The following SLIT1 variants were observed in gnomAD, a reference collection of about 807,000 sequenced individuals.
The protein encoded by SLIT1 is slit guidance ligand 1.
A neutral mutation model predicts 186.1 loss-of-function variants in SLIT1; 66 were observed. The ratio of observed to expected loss-of-function variants is 0.35; its 90% CI spans 0.29 to 0.44. SLIT1 has a LOEUF of 0.44. SLIT1 is among the 20% of genes least tolerant of loss of function. SLIT1 has a pLI of 1.00. For synonymous variants in SLIT1, 761 were observed against 833.8 expected, an observed-to-expected ratio of 0.91 and a Z score of 1.50; for missense variants, 1,638 against 2,037.4, an observed-to-expected ratio of 0.80 and a Z score of 3.77.
rs72293609 is a variant in SLIT1, at chr10:97,172,934, G to GGAGA, written c.198-8048_198-8045dup. Among the ~76,000 whole-genome samples, 88 of 148,162 alleles carry GGAGA rather than the reference G, an allele frequency of 5.9e-4. No individual in the cohort carries two copies. In the South Asian group the frequency reaches 8.2e-3, roughly 14 times the overall value. On this transcript the variant is annotated intron_variant, in intron 1 of 36. Transcript: ENST00000266058. ...AGAAAGAAAGAGAGAAAGGAAGGAG[G>GGAGA]GAGAGAGAGAGAGAGAGAGAGAAGT...
In SLIT1 at chr10:97,021,545, A is replaced by T; in HGVS notation, c.2583-132T>A. The T allele has an allele frequency of 5.7e-6, 4 of 697,676 alleles. No individual in the cohort carries two copies. The highest frequency in any genetic ancestry group is 9.3e-6 in the Non-Finnish European group (4 of 431,842). The allele number at this position is 697,676 out of a possible 1,614,324, so 43.2% of individuals were successfully genotyped here. A position where few individuals can be genotyped will look rare whatever the true frequency, so the allele number is the denominator to read the frequency against. On this transcript the variant is annotated intron_variant, in intron 25 of 36. Coordinates refer to ENST00000266058, the MANE Select transcript of SLIT1 (RefSeq NM_003061.3). This position sits in a 1 kb window ranked among gnomAD's most constrained non-coding sequence, Gnocchi z 4.5. ...CCTCCATTTCATGAGCATTTACTGT[A>T]TAGTCAGTGCTGCTTTTTTTTTTTT...
chr10:97,068,546 C>T lies in SLIT1; in HGVS notation c.414-2460G>A, dbSNP rs948373490. 6.6e-6 allele frequency among the ~76,000 whole-genome samples: 1 copy of T among 152,112 alleles called. No individual in the cohort carries two copies. The highest frequency in any genetic ancestry group is 1.5e-5 in the Non-Finnish European group (1 of 68,002). ...CTTGCTCTCTATTGCTCTCTCTCTC[C>T]TGGATGTAGGCCCCATCTCCTGGAG... On this transcript the variant is annotated intron_variant, in intron 4 of 36. Coordinates refer to ENST00000266058, the MANE Select transcript of SLIT1 (RefSeq NM_003061.3). This position sits in a 1 kb window ranked among gnomAD's most constrained non-coding sequence, Gnocchi z 4.2.
chr10:97,066,064 G>C lies in SLIT1; in HGVS notation c.436C>G (p.Gln146Glu). The C allele has an allele frequency of 6.2e-7, 1 of 1,605,674 alleles. No homozygotes were observed. The highest frequency in any genetic ancestry group is 2.2e-5 in the East Asian group (1 of 44,816). Residue 146 changes from glutamine to glutamate, a missense_variant, in exon 5 of 37, where the codon CAG (glutamine) becomes GAG (glutamate). Around this residue, in one of 3 missense-constraint regions of SLIT1, gnomAD observed 1,245 missense variants for 1,535.3 expected, o/e 0.81. Coordinates refer to ENST00000266058, the MANE Select transcript of SLIT1 (RefSeq NM_003061.3). The part of the protein sequence containing the change: ...SRLDLSENAI[Q>E]AIPRKAFRGA... ...CGAAAAGCTTTCCTGGGGATGGCCTGGATGGCGTTCTCACTCAAGTCCCTG... is the reference window on the plus strand; with the variant it reads ...CGAAAAGCTTTCCTGGGGATGGCCTCGATGGCGTTCTCACTCAAGTCCCTG...
chr10:97,068,959 C>A lies in SLIT1; in HGVS notation c.414-2873G>T, dbSNP rs11813871. Among the ~76,000 whole-genome samples the A allele has an allele frequency of 0.076, 11,621 of 152,288 alleles. 475 individuals are homozygous for A. The highest frequency in any genetic ancestry group is 0.1 in the African/African-American group (4,310 of 41,548). ...AATCCTTGTTATCATCTCTTCCTTG[C>A]CTAGAGAGTTCCTTGGCTGCCACAT... On this transcript the variant is annotated intron_variant, in intron 4 of 36. Transcript: ENST00000266058. The surrounding 1 kb of genome is among the most constrained non-coding windows in gnomAD (Gnocchi z 4.2).
At chr10:97,040,909 T>C (rs886676039) in intron 20 of SLIT1, among the ~76,000 whole-genome samples, 3 of 152,142 alleles carry the variant, frequency 2.0e-5, no homozygotes, top group Admixed American at 2.0e-4. Context: ...ACAGTGACCA[T>C]CAGTTATGCA....
At chr10:97,153,329 C>T (rs1453214390) in intron 4 of SLIT1, 1 of 152,254 alleles carries the variant, frequency 6.6e-6, no homozygotes, top group Admixed American at 6.5e-5. Flanking sequence ...ACAAAATCAA[C>T]TGAAATGTGG....
intron 21 of SLIT1, among the ~76,000 whole-genome samples, chr10:97,039,386 G>C (rs1326623221): frequency 6.6e-6 from 1 of 152,170 alleles, no homozygotes; most frequent in African/African-American, 2.4e-5. Flanking sequence ...CATACTCAGT[G>C]CTGACCCAGG....
At chr10:97,033,731 T>C (rs1848611681) in intron 23 of SLIT1, among the ~76,000 whole-genome samples, 1 of 152,110 alleles carries the variant, frequency 6.6e-6, no homozygotes, top group Non-Finnish European at 1.5e-5. Context: ...TAGAAATGCT[T>C]ATGTAGATGG....
At position 97,056,608 on chromosome 10, in the gene SLIT1, A is replaced by G. The variant is rs1473604627; in HGVS notation, c.1158-144T>C. On this transcript the variant is annotated intron_variant, in intron 12 of 36. Transcript: ENST00000266058. ...CAGGCCCAGGGAATCTGCCCTCTGG[A>G]TGTCTGCCCCACGGAGAGGGGCCCG... 8 of 833,024 alleles carry G rather than the reference A, an allele frequency of 9.6e-6. No homozygotes were observed. In the African/African-American group the frequency reaches 1.2e-4, roughly 12 times the overall value. 51.6% of individuals were successfully genotyped at this position (833,024 alleles called of 1,614,324 possible).
chr10:96,998,582 C>G lies in SLIT1; in HGVS notation c.*2530G>C, dbSNP rs1848269848. On this transcript the variant is annotated 3_prime_UTR_variant, in exon 37 of 37. Coordinates refer to ENST00000266058, the MANE Select transcript of SLIT1 (RefSeq NM_003061.3). The stretch of plus-strand genomic sequence containing the variant: ...TTGCAGTAGCCACCTTCCGGACTTT[C>G]AAGCGGAGTGTGAATAGGCAACGTG... 1 of 152,314 alleles carries G rather than the reference C, an allele frequency of 6.6e-6. No individual in the cohort carries two copies. The highest frequency in any genetic ancestry group is 2.4e-5 in the African/African-American group (1 of 41,470). The allele number at this position is 152,314 out of a possible 1,614,324, so 9.4% of individuals were successfully genotyped here.
At chr10:97,177,553 T>A (rs1218378481) in intron 1 of SLIT1, among the ~76,000 whole-genome samples, 1 of 152,214 alleles carries the variant, frequency 6.6e-6, no homozygotes, top group Non-Finnish European at 1.5e-5. Flanking sequence ...ATCTTTCAGT[T>A]CTGGAAGTTA....
chr10:97,029,359 G>T (rs1468053987), intron 25 of SLIT1, among the ~76,000 whole-genome samples: 5 of 152,194 alleles, frequency 3.3e-5, no homozygotes, highest in Admixed American at 2.6e-4. Context: ...GTGGCTTGGG[G>T]CCCCAAAAGG....
chr10:97,084,138 C>T (rs770977259), intron 4 of SLIT1, among the ~76,000 whole-genome samples: 1 of 152,210 alleles, frequency 6.6e-6, no homozygotes, highest in Non-Finnish European at 1.5e-5. Context: ...GTGGCTCTGA[C>T]CACCATTGTG....
rs375997884 is a variant in SLIT1 at position 97,044,186 on chromosome 10, G to A, written c.1854-673C>T. Among the ~76,000 whole-genome samples, 327 of 152,354 alleles carry A rather than the reference G, an allele frequency of 2.1e-3. 2 individuals are homozygous for A. Among genetic ancestry groups the A allele is most frequent in the African/African-American group, 7.7e-3 (320 of 41,586 alleles). On this transcript the variant is annotated intron_variant, in intron 18 of 36. Transcript: ENST00000266058. ...GGAGGCCAAGGATTATTTGAAACCA[G>A]GGGTTTGAGACCAGCCTGGGCAACA...
chr10:97,064,892 A>C lies in SLIT1; in HGVS notation c.486-16T>G. On this transcript the variant is annotated splice_polypyrimidine_tract_variant and intron_variant, in intron 5 of 36. Coordinates refer to ENST00000266058, the MANE Select transcript of SLIT1 (RefSeq NM_003061.3). ...GTCCAGCTGTCTGTGAAGCAAAGGAAGGTTGTAGAGAGAAGGGCACATTGC... is the reference window on the plus strand; with the variant it reads ...GTCCAGCTGTCTGTGAAGCAAAGGACGGTTGTAGAGAGAAGGGCACATTGC... 6.2e-7 allele frequency: 1 copy of C among 1,608,794 alleles called. No homozygotes were observed. The highest frequency in any genetic ancestry group is 8.5e-7 in the Non-Finnish European group (1 of 1,176,762).
chr10:97,005,828 G>A (rs1848355306), intron 32 of SLIT1, among the ~76,000 whole-genome samples: 1 of 152,168 alleles, frequency 6.6e-6, no homozygotes, highest in Non-Finnish European at 1.5e-5. Context: ...GAGGACAAAA[G>A]AGAGGGAAGA....
At chr10:97,159,256 C>T (rs1849994948) in intron 3 of SLIT1, among the ~76,000 whole-genome samples, 1 of 152,178 alleles carries the variant, frequency 6.6e-6, no homozygotes, top group Non-Finnish European at 1.5e-5. Flanking sequence ...GTGAGAAAGG[C>T]CATTGCCACC....
At chr10:97,067,943 C>T (rs1246501183) in intron 4 of SLIT1, among the ~76,000 whole-genome samples, 4 of 152,120 alleles carry the variant, frequency 2.6e-5, no homozygotes, top group Admixed American at 6.5e-5. Flanking sequence ...CTGTCAAGGC[C>T]GCCGCTGCCC....
chr10:97,158,928 T>A (rs907227274), intron 3 of SLIT1, among the ~76,000 whole-genome samples: 1 of 150,810 alleles, frequency 6.6e-6, no homozygotes, highest in African/African-American at 2.4e-5. Context: ...TCCCAACACT[T>A]GGGGAGGCTG....
Sources: allele counts gnomAD v4.1 joint callset (sites outside exome capture counted in the v4.1 genomes callset), GRCh38; gene constraint gnomAD v4.1.1; regional missense constraint gnomAD v4.1.1; non-coding constraint Gnocchi (gnomAD v3.1); transcripts MANE v1.5; gene names NCBI Gene and HGNC (gene_info 2026-07-23, HGNC 2026-07-21).